The following ABCD3 variants were observed in gnomAD, a reference collection of about 807,000 sequenced individuals.
ABCD3 encodes the protein ATP-binding cassette sub-family D member 3.
In ABCD3, 41 loss-of-function variants were observed where a neutral mutation model predicts 105.5. That is an observed-to-expected ratio of 0.39 (90% CI 0.30 to 0.50). The LOEUF is 0.50. Ranked by LOEUF, ABCD3 falls within the 20% of genes least tolerant of loss-of-function variation. The pLI is 0.84. For synonymous variants in ABCD3, 258 were observed against 269.0 expected, an observed-to-expected ratio of 0.96 and a Z score of 0.40; for missense variants, 622 against 806.3, an observed-to-expected ratio of 0.77 and a Z score of 2.77.
chr1:94,469,535 T>C (rs1648339881), intron 4 of ABCD3, among the ~76,000 whole-genome samples: 1 of 151,068 alleles, frequency 6.6e-6, no homozygotes, highest in Admixed American at 6.6e-5. Context: ...TAATTCAGTT[T>C]GAGCTTTTTG....
At chr1:94,427,567 T>G (rs530493514) in intron 1 of ABCD3, among the ~76,000 whole-genome samples, 76 of 152,338 alleles carry the variant, frequency 5.0e-4, no homozygotes, top group African/African-American at 1.8e-3. Flanking sequence ...TCTGTTTCAA[T>G]GTAATATGAA....
intron 20 of ABCD3, among the ~76,000 whole-genome samples, chr1:94,503,444 T>C (rs113297973): frequency 1.1e-4 from 17 of 152,184 alleles, no homozygotes; most frequent in African/African-American, 4.1e-4. Flanking sequence ...CTTCCATCTA[T>C]GTTTATGGAG....
At chr1:94,508,955 T>A (rs1286330036) in intron 21 of ABCD3, among the ~76,000 whole-genome samples, 1 of 152,208 alleles carries the variant, frequency 6.6e-6, no homozygotes, top group East Asian at 1.9e-4. Flanking sequence ...ACTTCCTCTT[T>A]TCCTAATTGA....
chr1:94,499,180 G>A, intron 19 of ABCD3, 146 bp downstream of exon 19: 1 of 824,386 alleles, frequency 1.2e-6, no homozygotes. Flanking sequence ...GCTGAGGTAA[G>A]ATGTTAATCC....
chr1:94,498,558 T>C (rs760481296), intron 16 of ABCD3, 44 bp from the exon 17 acceptor site: 1 of 1,589,440 alleles, frequency 6.3e-7, no homozygotes, highest in Admixed American at 1.7e-5. Context: ...TATATGTTAA[T>C]TTGATTTAAT....
chr1:94,441,539 G>A (rs1210798979), intron 1 of ABCD3, among the ~76,000 whole-genome samples: 2 of 152,130 alleles, frequency 1.3e-5, no homozygotes, highest in African/African-American at 2.4e-5. Context: ...GATGTGTAGG[G>A]TTATTCATTG....
chr1:94,462,590 A>G (rs556288924), intron 2 of ABCD3, among the ~76,000 whole-genome samples: 1 of 152,302 alleles, frequency 6.6e-6, no homozygotes, highest in South Asian at 2.1e-4. Context: ...GAAGAAAATG[A>G]GGAGGAATTT....
At chr1:94,429,828 G>C (rs1028134230) in intron 1 of ABCD3, among the ~76,000 whole-genome samples, 1 of 152,216 alleles carries the variant, frequency 6.6e-6, no homozygotes, top group Non-Finnish European at 1.5e-5. Flanking sequence ...CCCCCACACA[G>C]AATCCCTGCT....
Position 94,491,257 on chromosome 1 carries a change from T to C in ABCD3, c.1386+10T>C, listed in dbSNP as rs1238162599. 1 of 1,591,020 alleles carries C rather than the reference T, an allele frequency of 6.3e-7. No individual in the cohort carries two copies. The highest frequency in any genetic ancestry group is 8.6e-7 in the Non-Finnish European group (1 of 1,159,836). ...AGACCTTAATTTTGAAGTAAGTTTT[T>C]AAATGATCATATAAAAGCTTAAATC... On this transcript the variant is annotated intron_variant, in intron 16 of 22. Transcript: ENST00000370214.
At chr1:94,516,490 A>G (rs1450884712) in intron 22 of ABCD3, among the ~76,000 whole-genome samples, 1 of 151,944 alleles carries the variant, frequency 6.6e-6, no homozygotes, top group African/African-American at 2.4e-5. Flanking sequence ...ATTGAGAGGA[A>G]TTGAGAGCAT....
chr1:94,480,467 C>G lies in ABCD3; in HGVS notation c.688C>G (p.Pro230Ala), dbSNP rs1222850661. ...CTTTCTCTCCCAATAATAATAGGGC[C>G]CAGCGAGCATGATGGCCTACTTGGT... ...KLTSAIGAQG[P>A]ASMMAYLVVS... Residue 230 changes from proline to alanine, a missense_variant, in exon 9 of 23, where the codon CCA (proline) becomes GCA (alanine). Transcript: ENST00000370214. 6.2e-7 allele frequency: 1 copy of G among 1,613,570 alleles called. No individual in the cohort carries two copies.
intron 1 of ABCD3, chr1:94,418,856 C>T (rs1659135879): frequency 1.9e-6 from 1 of 527,696 alleles, no homozygotes; most frequent in Non-Finnish European, 3.4e-6. Context: ...GCCCAGCCAG[C>T]ACTCAGGCAG....
chr1:94,486,134 T>C (rs1163627478), intron 10 of ABCD3, among the ~76,000 whole-genome samples: 2 of 152,020 alleles, frequency 1.3e-5, no homozygotes, highest in African/African-American at 2.4e-5. Context: ...GGAGGTTGCA[T>C]TGAGCCAAGA....
At chr1:94,410,638 C>G in the ABCD3 span, among the ~76,000 whole-genome samples, 1 of 152,132 alleles carries the variant, frequency 6.6e-6, no homozygotes, top group East Asian at 1.9e-4. Flanking sequence ...GTCAGCTGAA[C>G]GCCTAGGTCT....
chr1:94,401,710 G>A, the ABCD3 span, among the ~76,000 whole-genome samples: 1 of 152,292 alleles, frequency 6.6e-6, no homozygotes, highest in East Asian at 1.9e-4. Flanking sequence ...GGATGTTTAA[G>A]TAGATGCAAC....
Position 94,475,241 on chromosome 1 carries a change from G to GT in ABCD3, c.503+2dup. On this transcript the variant is annotated splice_donor_variant, in intron 6 of 22. Coordinates refer to ENST00000370214, the MANE Select transcript of ABCD3 (RefSeq NM_002858.4). LOFTEE classifies it high-confidence loss of function. ...AATACCTCTATGAGGAGTATCTTCA[G>GT]TAAGTGATAACCTATTTTTATATTA... The GT allele has an allele frequency of 6.5e-7, 1 of 1,536,376 alleles. No homozygotes were observed. The highest frequency in any genetic ancestry group is 8.9e-7 in the Non-Finnish European group (1 of 1,121,198).
At chr1:94,458,494 G>T in intron 1 of ABCD3, 113 bp from the exon 2 acceptor site, 1 of 960,838 alleles carries the variant, frequency 1.0e-6, no homozygotes, top group East Asian at 2.5e-5. Flanking sequence ...ACTATGATGT[G>T]AAAAAGAAGA....
At chr1:94,390,906 C>A in the ABCD3 span, among the ~76,000 whole-genome samples, 2 of 152,272 alleles carry the variant, frequency 1.3e-5, no homozygotes, top group African/African-American at 4.8e-5. Flanking sequence ...CTTCTCTATG[C>A]CCCCATTCTA....
chr1:94,429,753 C>T (rs368618290), intron 1 of ABCD3, among the ~76,000 whole-genome samples: 36 of 152,322 alleles, frequency 2.4e-4, no homozygotes, highest in African/African-American at 8.7e-4. Context: ...AAGTTTGCTG[C>T]AGGGATGGGG....
Sources: allele counts gnomAD v4.1 joint callset (sites outside exome capture counted in the v4.1 genomes callset), GRCh38; gene constraint gnomAD v4.1.1; transcripts MANE v1.5; gene names NCBI Gene and HGNC (gene_info 2026-07-23, HGNC 2026-07-21).